VILL: variants seen among roughly 807,000 people sequenced by gnomAD.
VILL encodes the protein villin-like protein.
In VILL, 102 loss-of-function variants were observed where a neutral mutation model predicts 106.3. The observed-to-expected ratio is 0.96, with a 90% CI of 0.82 to 1.13. The LOEUF is 1.13. Among genes scored for constraint, VILL ranks in the 50% most tolerant of loss-of-function variants. The pLI is 0.00. For synonymous variants in VILL, 431 were observed against 440.3 expected (o/e 0.98, Z 0.27); for missense variants, 1,076 against 1,116.6 (o/e 0.96, Z 0.52).
chr3:37,989,080 C>T (rs922043577), upstream of VILL, among the ~76,000 whole-genome samples: 3 of 152,202 alleles, frequency 2.0e-5, no homozygotes, highest in East Asian at 1.9e-4. Context: ...AGGCAGGAGG[C>T]GTGAGAGGGA....
At chr3:37,999,174 G>T in intron 10 of VILL, 124 bp downstream of exon 10, 1 of 1,238,736 alleles carries the variant, frequency 8.1e-7, no homozygotes, top group South Asian at 1.6e-5. Flanking sequence ...GCGGGGCCTG[G>T]TCTGCACGGG....
intron 11 of VILL, among the ~76,000 whole-genome samples, chr3:38,000,424 G>A (rs1699791226): frequency 6.6e-6 from 1 of 151,862 alleles, no homozygotes. Flanking sequence ...AAGGGAGGAG[G>A]AGGTGGGGTG....
chr3:38,006,906 C>A (rs780097603), intron 19 of VILL, 36 bp from the exon 20 acceptor site: 2 of 1,585,846 alleles, frequency 1.3e-6, no homozygotes, highest in Non-Finnish European at 1.7e-6. Flanking sequence ...TCAGATGACA[C>A]CCTACCCTGT....
At chr3:37,994,601 A>G in intron 4 of VILL, 135 bp downstream of exon 4, 1 of 900,618 alleles carries the variant, frequency 1.1e-6, no homozygotes, top group Non-Finnish European at 1.7e-6. Flanking sequence ...TTATTGAGAT[A>G]CAACTCATAC....
chr3:37,991,495 G>C, intron 1 of VILL, among the ~76,000 whole-genome samples: 1 of 151,554 alleles, frequency 6.6e-6, no homozygotes, highest in East Asian at 1.9e-4. Flanking sequence ...CCAGGGGAGA[G>C]GGGAAATCAG....
rs765860887 is a variant in VILL, at chr3:38,003,209, C to A, written c.1701C>A (p.Val567=). ...AGCGTGAGATGGCACGGGTGGTGGT[C>A]ACTGTCATTTCCAGGAAGAATGAGG... ...GDQREMARVV[V]TVISRKNEET... The change falls in exon 15 of 20, where the codon GTC becomes GTA. Residue 567 remains valine (V), a synonymous_variant. Coordinates refer to ENST00000383759, the MANE Select transcript of VILL (RefSeq NM_015873.4). 9.9e-6 allele frequency: 16 copies of A among 1,613,960 alleles called. No individual in the cohort carries two copies. The highest frequency in any genetic ancestry group is 1.2e-5 in the Non-Finnish European group (14 of 1,179,960).
rs374442833 is a variant in VILL at position 38,001,813 on chromosome 3, C to T, written c.1432C>T (p.Pro478Ser). ...VQEHVTMGSEPPHFLAIFQGQ... is the reference protein window; with the variant it reads ...VQEHVTMGSESPHFLAIFQGQ... ...GGAGCATGTGACCATGGGCAGCGAG[C>T]CCCCCCACTTCCTCGCCATCTTCCA... is the stretch of plus-strand genomic sequence containing the variant. The change falls in exon 13 of 20, where the codon CCC becomes TCC. Residue 478 changes from proline (P) to serine (S), a missense_variant. Pro to Ser is a moderately conservative substitution (Grantham distance 74). Coordinates refer to ENST00000383759, the MANE Select transcript of VILL (RefSeq NM_015873.4). 1.4e-5 allele frequency: 22 copies of T among 1,614,056 alleles called. No homozygotes were observed. Among genetic ancestry groups the T allele is most frequent in the African/African-American group, 4.0e-5 (3 of 74,926 alleles).
rs147187100 is a variant in VILL, at chr3:37,997,077, G to A, written c.451G>A (p.Val151Met). 145 of 1,613,766 alleles carry A rather than the reference G, an allele frequency of 9.0e-5. 1 individual carries two copies. In the East Asian group the frequency reaches 1.6e-3, roughly 18 times the overall value. The change falls in exon 6 of 20, where the codon GTG (valine) becomes ATG (methionine). Residue 151 changes from valine (V) to methionine (M), a missense_variant and splice_region_variant. Transcript: ENST00000383759. The surrounding 1 kb of genome is among the most constrained non-coding windows in gnomAD (Gnocchi z 4.7). ...KGRKHVSATE[V>M]ELSWNSFNKG... The stretch of plus-strand genomic sequence containing the variant: ...CTGTCTCTCTCCCTGGCTCTGGCAG[G>A]TGGAGCTCTCCTGGAACAGCTTTAA...
In VILL at chr3:38,002,559, A is replaced by G. The variant is rs1339194660; in HGVS notation, c.1643A>G (p.Tyr548Cys). The change falls in exon 14 of 20, where the codon TAC (tyrosine) becomes TGC (cysteine). Residue 548 changes from tyrosine (Y) to cysteine (C), a missense_variant. Tyr to Cys is a radical substitution (Grantham distance 194, BLOSUM62 -2). Transcript: ENST00000383759. ...IFLLVTASVC[Y>C]LWFGKGCNGD... ...TTGCTGGTCACAGCCAGCGTCTGCT[A>G]CCTCTGGTTTGGGAAGGTACCCACA... 9.3e-6 allele frequency: 15 copies of G among 1,613,482 alleles called. No individual in the cohort carries two copies. The highest frequency in any genetic ancestry group is 2.2e-5 in the East Asian group (1 of 44,894).
chr3:37,989,021 G>A (rs907903122), upstream of VILL, among the ~76,000 whole-genome samples: 9 of 152,176 alleles, frequency 5.9e-5, no homozygotes, highest in African/African-American at 1.7e-4. Flanking sequence ...TAGGATGGTC[G>A]TAGCGGCCAG....
chr3:37,995,897 G>T, intron 5 of VILL, 50 bp downstream of exon 5: 2 of 1,485,646 alleles, frequency 1.3e-6, no homozygotes. Flanking sequence ...CTCAGACTGG[G>T]TGTACTGAGG....
chr3:37,991,323 G>A (rs74895024), intron 1 of VILL, among the ~76,000 whole-genome samples: 3,487 of 151,004 alleles, frequency 0.023, 127 homozygotes, highest in African/African-American at 0.076. Flanking sequence ...TGTGTGAAGC[G>A]GGTAGGGAGT....
chr3:38,006,881 G>T lies in VILL; in HGVS notation c.2458-61G>T, dbSNP rs1233211397. 7.1e-6 allele frequency: 11 copies of T among 1,542,364 alleles called. No homozygotes were observed. The African/African-American group carries it at 1.2e-4, about 17-fold the overall frequency. The stretch of plus-strand genomic sequence containing the variant: ...CTGGATGACTGACACTACTGAGTGG[G>T]GCAGGATTCTGGGCTCAGATGACAC... On this transcript the variant is annotated intron_variant, in intron 19 of 19. Coordinates refer to ENST00000383759, the MANE Select transcript of VILL (RefSeq NM_015873.4).
At chr3:37,992,816 G>A (rs1559654798) in intron 1 of VILL, among the ~76,000 whole-genome samples, 1 of 152,142 alleles carries the variant, frequency 6.6e-6, no homozygotes, top group East Asian at 1.9e-4. Flanking sequence ...GCCAAACCAG[G>A]GGCCCTGACA....
rs766522249 is a variant in VILL, at chr3:38,001,599, C to G, written c.1320+6C>G. The stretch of plus-strand genomic sequence containing the variant: ...ACATCCTGTACCTATGGCAGGTGTG[C>G]CAGCCTGAGGGAGGCAGCACTCACC... On this transcript the variant is annotated splice_donor_region_variant and intron_variant, in intron 12 of 19. Coordinates refer to ENST00000383759, the MANE Select transcript of VILL (RefSeq NM_015873.4). 6.2e-7 allele frequency: 1 copy of G among 1,613,890 alleles called. No individual in the cohort carries two copies. The highest frequency in any genetic ancestry group is 8.5e-7 in the Non-Finnish European group (1 of 1,179,900).
At chr3:37,994,218 C>T (rs746276509) in intron 3 of VILL, 43 bp from the exon 4 acceptor site, 9 of 1,562,730 alleles carry the variant, frequency 5.8e-6, no homozygotes, top group South Asian at 2.3e-5. Context: ...ACCCGCACCT[C>T]CGTCTTCCCC....
rs144861506 is a variant in VILL, at chr3:37,997,273, G to A, written c.561+86G>A. The A allele has an allele frequency of 5.0e-4, 721 of 1,435,012 alleles. 6 individuals are homozygous for A. In the East Asian group the frequency reaches 0.015, roughly 29 times the overall value. The allele number at this position is 1,435,012 out of a possible 1,614,324, so 88.9% of individuals were successfully genotyped here. A position where few individuals can be genotyped will look rare whatever the true frequency, so the allele number is the denominator to read the frequency against. ...TGACCATCCTCCGGCCACCCAAAGA[G>A]TTGGGCTTGGCTCTGCTACAACCCA... On this transcript the variant is annotated intron_variant, in intron 6 of 19. Transcript: ENST00000383759. This position sits in a 1 kb window ranked among gnomAD's most constrained non-coding sequence, Gnocchi z 4.7.
At chr3:38,001,334 C>T in intron 11 of VILL, 122 bp from the exon 12 acceptor site, 1 of 1,439,626 alleles carries the variant, frequency 6.9e-7, no homozygotes, top group South Asian at 1.3e-5. Flanking sequence ...GAGGGTGGGC[C>T]CCTGGCCTGC....
chr3:37,994,284 G>A lies in VILL; in HGVS notation c.159G>A (p.Thr53=), dbSNP rs147043663. The change falls in exon 4 of 20, where the codon ACG becomes ACA. Residue 53 remains threonine (T), a synonymous_variant. Transcript: ENST00000383759. ...ILHVPQSPKA[T]QGASSDLHYW... The stretch of plus-strand genomic sequence containing the variant: ...AGGTCCCCCAGAGCCCGAAGGCCAC[G>A]CAGGGGGCGTCCAGCGACCTGCACT... The A allele has an allele frequency of 3.6e-4, 577 of 1,610,244 alleles. 1 individual carries two copies. The highest frequency in any genetic ancestry group is 4.1e-4 in the Non-Finnish European group (479 of 1,179,668).
Sources: allele counts gnomAD v4.1 joint callset (sites outside exome capture counted in the v4.1 genomes callset), GRCh38; gene constraint gnomAD v4.1.1; non-coding constraint Gnocchi (gnomAD v3.1); transcripts MANE v1.5; gene names NCBI Gene and HGNC (gene_info 2026-07-23, HGNC 2026-07-21).